S1PR3: variants seen among roughly 807,000 people sequenced by gnomAD.
The protein encoded by S1PR3 is sphingosine 1-phosphate receptor 3.
S1PR3 carries 12 observed loss-of-function variants against 13.3 expected under a neutral mutation model. That is an observed-to-expected ratio of 0.90 (90% CI 0.58 to 1.46). The LOEUF is 1.46. Among genes scored for constraint, S1PR3 ranks in the 40% most tolerant of loss-of-function variants. The pLI is 0.00. For missense variants in S1PR3, 450 were observed against 501.9 expected (o/e 0.90, Z 0.99); for synonymous variants, 232 against 214.0 (o/e 1.08, Z -0.73).
rs371960035 is a variant in S1PR3, at chr9:89,002,188, C to A, written c.988C>A (p.Pro330Thr). 6.2e-7 allele frequency: 1 copy of A among 1,614,004 alleles called. No individual in the cohort carries two copies. The highest frequency in any genetic ancestry group is 8.5e-7 in the Non-Finnish European group (1 of 1,180,026). The change falls in exon 2 of 2, where the codon CCT becomes ACT. Residue 330 changes from proline to threonine, a missense_variant. Coordinates refer to ENST00000358157, the MANE Select transcript of S1PR3 (RefSeq NM_005226.4). ...GGGGGCCCGCGCCTCACCCATCCAGCCTGCGCTCGACCCAAGCAGAAGTAA... is the reference window on the plus strand; with the variant it reads ...GGGGGCCCGCGCCTCACCCATCCAGACTGCGCTCGACCCAAGCAGAAGTAA... ...GRGARASPIQ[P>T]ALDPSRSKSS...
At position 88,991,909 on chromosome 9, in the gene S1PR3, G is replaced by A; in HGVS notation, c.-148+214G>A. The A allele has an allele frequency of 1.2e-6, 2 of 1,614,202 alleles. No individual in the cohort carries two copies. The highest frequency in any genetic ancestry group is 1.1e-5 in the South Asian group (1 of 91,082). On this transcript the variant is annotated intron_variant, in intron 1 of 1. Transcript: ENST00000358157. This position sits in a 1 kb window ranked among gnomAD's most constrained non-coding sequence, Gnocchi z 4.0. ...CACCGCACCCGGAGCGTTTACAACGGGCTGGAGCTGAATACCTGGATGAAA... is the reference window on the plus strand; with the variant it reads ...CACCGCACCCGGAGCGTTTACAACGAGCTGGAGCTGAATACCTGGATGAAA...
At chr9:88,992,037 G>A in intron 1 of S1PR3, 1 of 1,610,666 alleles carries the variant, frequency 6.2e-7, no homozygotes, top group Non-Finnish European at 8.5e-7. Context: ...GGACGTGGGA[G>A]AGGGTTGTGG....
chr9:88,997,548 A>G (rs1273433432), intron 1 of S1PR3: 1 of 152,230 alleles, frequency 6.6e-6, no homozygotes, highest in African/African-American at 2.4e-5. Flanking sequence ...AACAGTCTGA[A>G]TCATAACGAC....
upstream of S1PR3, chr9:88,991,007 C>A: frequency 6.2e-7 from 1 of 1,613,528 alleles, no homozygotes; most frequent in Non-Finnish European, 8.5e-7. The surrounding 1 kb of genome is among the most constrained non-coding windows in gnomAD (Gnocchi z 4.0). Flanking sequence ...TGGTCAGGAT[C>A]TGGACAACGA....
chr9:88,996,224 G>A (rs1825802089), intron 1 of S1PR3: 1 of 152,188 alleles, frequency 6.6e-6, no homozygotes, highest in Non-Finnish European at 1.5e-5. Context: ...TGGGGTCTGA[G>A]AAACCCAGTG....
intron 1 of S1PR3, chr9:88,997,110 T>C (rs988312935): frequency 1.5e-4 from 23 of 152,198 alleles, no homozygotes; most frequent in Admixed American, 3.9e-4. Flanking sequence ...CTTCCACTTA[T>C]GCAAAATGCA....
In S1PR3 at chr9:89,002,290, A is replaced by G. The variant is rs1444623492; in HGVS notation, c.1090A>G (p.Ile364Val). ...DLPHTAPSSC[I>V]MDKNAALQNG... is the part of the protein sequence containing the mutation. The stretch of plus-strand genomic sequence containing the variant: ...GCCCCACACAGCCCCCTCATCCTGC[A>G]TCATGGACAAGAACGCAGCACTTCA... Residue 364 changes from isoleucine to valine, a missense_variant, in exon 2 of 2, where the codon ATC (isoleucine) becomes GTC (valine). Physicochemically the swap from Ile to Val is conservative, Grantham distance 29. Transcript: ENST00000358157. 2 of 1,614,146 alleles carry G rather than the reference A, an allele frequency of 1.2e-6. No homozygotes were observed. The highest frequency in any genetic ancestry group is 2.2e-5 in the East Asian group (1 of 44,866).
At position 89,002,510 on chromosome 9, in the gene S1PR3, T is replaced by A; in HGVS notation, c.*173T>A. 1 of 754,110 alleles carries A rather than the reference T, an allele frequency of 1.3e-6. No individual in the cohort carries two copies. Among genetic ancestry groups the A allele is most frequent in the Non-Finnish European group, 2.2e-6 (1 of 463,540 alleles). 46.7% of individuals were successfully genotyped at this position (754,110 alleles called of 1,614,324 possible). On this transcript the variant is annotated 3_prime_UTR_variant, in exon 2 of 2. Coordinates refer to ENST00000358157, the MANE Select transcript of S1PR3 (RefSeq NM_005226.4). Reference sequence around the variant, plus strand: ...CCAAGGAATCACCACCCCGCTTCAGTGTAAACAACGTGCCTTGTCCACTTT... The same window carrying A: ...CCAAGGAATCACCACCCCGCTTCAGAGTAAACAACGTGCCTTGTCCACTTT...
chr9:88,992,126 C>A, intron 1 of S1PR3: 1 of 1,200,198 alleles, frequency 8.3e-7, no homozygotes, highest in Non-Finnish European at 1.2e-6. Context: ...TCAAACAAGG[C>A]AATTAGGGCC....
At position 89,001,126 on chromosome 9, in the gene S1PR3, G is replaced by A; in HGVS notation, c.-75G>A. ...TGAATGAAGCCGGAACCTCAGCCCC[G>A]CTTCCCTTTGAAATGAATGTTCCTG... On this transcript the variant is annotated 5_prime_UTR_variant, in exon 2 of 2. Coordinates refer to ENST00000358157, the MANE Select transcript of S1PR3 (RefSeq NM_005226.4). 1 of 1,535,938 alleles carries A rather than the reference G, an allele frequency of 6.5e-7. No individual in the cohort carries two copies. Among genetic ancestry groups the A allele is most frequent in the South Asian group, 1.2e-5 (1 of 80,878 alleles).
At chr9:88,994,314 TGGTGCAA>T (rs954331362) in intron 1 of S1PR3, 5 of 167,092 alleles carry the variant, frequency 3.0e-5, no homozygotes, top group African/African-American at 9.6e-5. Flanking sequence ...GCTATGTCCA[TGGTGCAA>T]GGTGGCACGC....
chr9:88,991,381 G>A (rs1295430428), upstream of S1PR3: 31 of 1,216,958 alleles, frequency 2.5e-5, no homozygotes, highest in Admixed American at 5.5e-4. The surrounding 1 kb of genome is among the most constrained non-coding windows in gnomAD (Gnocchi z 4.0). Flanking sequence ...GAGAGGGGCG[G>A]GAGTCGGGGG....
At position 89,002,804 on chromosome 9, in the gene S1PR3, T is replaced by G; in HGVS notation, c.*467T>G. 1 of 201,772 alleles carries G rather than the reference T, an allele frequency of 5.0e-6. No individual in the cohort carries two copies. Among genetic ancestry groups the G allele is most frequent in the Admixed American group, 5.3e-5 (1 of 18,920 alleles). 12.5% of individuals were successfully genotyped at this position (201,772 alleles called of 1,614,324 possible). On this transcript the variant is annotated 3_prime_UTR_variant, in exon 2 of 2. Coordinates refer to ENST00000358157, the MANE Select transcript of S1PR3 (RefSeq NM_005226.4). ...TGCCATGTGGTACCTACATAGAATCTCCATACAACACACAGGTAACAGGTT... is the reference window on the plus strand; with the variant it reads ...TGCCATGTGGTACCTACATAGAATCGCCATACAACACACAGGTAACAGGTT...
rs1002765028 is a variant in S1PR3, at chr9:89,004,818, C to T, written c.*2481C>T. ...TACCAATGTGCACCAATATGCCTAA[C>T]TAGCTAGCCAGCTGGAGATAATTTA... On this transcript the variant is annotated 3_prime_UTR_variant, in exon 2 of 2. Transcript: ENST00000358157. The T allele has an allele frequency of 6.0e-6, 1 of 167,110 alleles. No homozygotes were observed. The highest frequency in any genetic ancestry group is 2.4e-5 in the African/African-American group (1 of 41,464). The allele number at this position is 167,110 out of a possible 1,614,324, so 10.4% of individuals were successfully genotyped here.
Position 89,002,482 on chromosome 9 carries a change from G to C in S1PR3, c.*145G>C. 2 of 1,008,412 alleles carry C rather than the reference G, an allele frequency of 2.0e-6. No individual in the cohort carries two copies. The highest frequency in any genetic ancestry group is 5.3e-5 in the East Asian group (2 of 38,062). 62.5% of individuals were successfully genotyped at this position (1,008,412 alleles called of 1,614,324 possible). On this transcript the variant is annotated 3_prime_UTR_variant, in exon 2 of 2. Transcript: ENST00000358157. ...CAGTGTGGATGTCTCTTACAGAGGG[G>C]GCCCAAGGAATCACCACCCCGCTTC... is the stretch of plus-strand genomic sequence containing the variant.
In S1PR3 at chr9:89,003,176, G is replaced by A; in HGVS notation, c.*839G>A. On this transcript the variant is annotated 3_prime_UTR_variant, in exon 2 of 2. Transcript: ENST00000358157. ...GGCCAAAGAAAGAGCCTATGAAGGA[G>A]AAGCAGAAGCAGACGGCTGGCCTGG... The A allele has an allele frequency of 6.0e-6, 1 of 167,286 alleles. No homozygotes were observed. The allele number at this position is 167,286 out of a possible 1,614,324, so 10.4% of individuals were successfully genotyped here.
chr9:88,996,319 T>G (rs1240743092), intron 1 of S1PR3, among the ~76,000 whole-genome samples: 1 of 152,160 alleles, frequency 6.6e-6, no homozygotes. Context: ...TGGACATGTG[T>G]TCGCCAAGAG....
upstream of S1PR3, chr9:88,991,143 G>A (rs557568274): frequency 1.8e-5 from 29 of 1,610,964 alleles, no homozygotes; most frequent in African/African-American, 3.1e-4. This position sits in a 1 kb window ranked among gnomAD's most constrained non-coding sequence, Gnocchi z 4.0. Context: ...GGGTCTCTGG[G>A]CGCCCGGTTT....
At chr9:88,991,046 A>T (rs1309959902), upstream of S1PR3, 1 of 1,613,482 alleles carries the variant, frequency 6.2e-7, no homozygotes, top group Non-Finnish European at 8.5e-7. This position sits in a 1 kb window ranked among gnomAD's most constrained non-coding sequence, Gnocchi z 4.0. Flanking sequence ...TCCTATTAAG[A>T]ATCGGCCCAA....
Sources: allele counts gnomAD v4.1 joint callset (sites outside exome capture counted in the v4.1 genomes callset), GRCh38; gene constraint gnomAD v4.1.1; non-coding constraint Gnocchi (gnomAD v3.1); transcripts MANE v1.5; gene names NCBI Gene and HGNC (gene_info 2026-07-23, HGNC 2026-07-21).